The following AIM2 variants were observed in gnomAD, a reference collection of about 807,000 sequenced individuals.
AIM2 encodes the protein absent in melanoma 2.
In AIM2, 30 loss-of-function variants were observed where a neutral mutation model predicts 27.7. The ratio of observed to expected loss-of-function variants is 1.08; its 90% CI spans 0.81 to 1.47. AIM2 has a LOEUF of 1.47. AIM2 is among the 40% of genes most tolerant of loss of function. AIM2 has a pLI of 0.00. For missense variants in AIM2, 358 were observed against 411.3 expected, an observed-to-expected ratio of 0.87 and a Z score of 1.12; for synonymous variants, 141 against 145.3, an observed-to-expected ratio of 0.97 and a Z score of 0.21.
chr1:159,063,588 T>C lies in AIM2; in HGVS notation c.903A>G (p.Thr301=), dbSNP rs142497200. 7.2e-5 allele frequency: 116 copies of C among 1,614,190 alleles called. No individual in the cohort carries two copies. The African/African-American group carries it at 1.2e-3, about 17-fold the overall frequency. Residue 301 remains threonine, a synonymous_variant, in exon 5 of 6, where the codon ACA becomes ACG. Transcript: ENST00000368130. ...MEVLGVRNED[T]MKCKEGDKVR... is the part of the protein sequence containing the mutation. Reference sequence around the variant, plus strand: ...CCTTATCTCCTTCCTTACATTTCATTGTGTCCTCGTTTCTAACCCCCAGTA... The same window carrying C: ...CCTTATCTCCTTCCTTACATTTCATCGTGTCCTCGTTTCTAACCCCCAGTA...
chr1:159,078,700 C>T (rs186978475), upstream of AIM2, among the ~76,000 whole-genome samples: 15 of 152,250 alleles, frequency 9.9e-5, no homozygotes, highest in African/African-American at 3.4e-4. Flanking sequence ...AACTTGGTGA[C>T]ACAAGACACA....
Position 159,068,635 on chromosome 1 carries a change from GC to G in AIM2, c.328del (p.Ala110HisfsTer50). On this transcript the variant is annotated frameshift_variant, in exon 3 of 6. Coordinates refer to ENST00000368130, the MANE Select transcript of AIM2 (RefSeq NM_004833.3). LOFTEE classifies it high-confidence loss of function. ...GACATCATTTCTGATGGCTGCAGAT[GC>G]AGCAGGACTCATTTCAGCTTGACTT... ...PLSQAEMSPA[A>X]SAAIRNDVAK... The G allele has an allele frequency of 6.2e-7, 1 of 1,613,896 alleles. No homozygotes were observed. Among genetic ancestry groups the G allele is most frequent in the Non-Finnish European group, 8.5e-7 (1 of 1,179,874 alleles).
intron 1 of AIM2, among the ~76,000 whole-genome samples, chr1:159,118,353 T>C (rs890094623): frequency 3.3e-5 from 5 of 152,226 alleles, no homozygotes; most frequent in Admixed American, 6.5e-5. Context: ...TACAGCATTG[T>C]TTAACACATA....
chr1:159,060,287 T>G (rs1272127774), downstream of AIM2, among the ~76,000 whole-genome samples: 1 of 152,166 alleles, frequency 6.6e-6, no homozygotes, highest in Non-Finnish European at 1.5e-5. Flanking sequence ...TTTCTGTGAG[T>G]CTCTTTAAAG....
intron 1 of AIM2, among the ~76,000 whole-genome samples, chr1:159,082,082 G>A (rs1656790490): frequency 6.6e-6 from 1 of 152,130 alleles, no homozygotes; most frequent in Admixed American, 6.5e-5. Context: ...CAAGGAGAGA[G>A]AAGATCCTAA....
chr1:159,088,127 A>T (rs900605758), intron 1 of AIM2, among the ~76,000 whole-genome samples: 8 of 152,210 alleles, frequency 5.3e-5, no homozygotes, highest in African/African-American at 1.9e-4. Context: ...GAAGAGGCAT[A>T]GATGAGGCAC....
chr1:159,080,143 T>A (rs1431056060), upstream of AIM2, among the ~76,000 whole-genome samples: 1 of 152,208 alleles, frequency 6.6e-6, no homozygotes. Flanking sequence ...TCTATAAATA[T>A]CTGTGTGCAT....
chr1:159,105,810 C>T lies in AIM2; in HGVS notation c.-16+34621G>A, dbSNP rs184464173. Among the ~76,000 whole-genome samples the T allele has an allele frequency of 5.1e-3, 781 of 152,198 alleles. 6 individuals are homozygous for T. The highest frequency in any genetic ancestry group is 0.01 in the Middle Eastern group (3 of 294). On this transcript the variant is annotated intron_variant, in intron 1 of 2. Coordinates refer to the AIM2 transcript ENST00000368129. Reference sequence around the variant, plus strand: ...GAGAGAAAGTGTGTAGTTATTGGTCCATGGGTAGTCATAGGTGGGCCTGAA... The same window carrying T: ...GAGAGAAAGTGTGTAGTTATTGGTCTATGGGTAGTCATAGGTGGGCCTGAA...
intron 1 of AIM2, among the ~76,000 whole-genome samples, chr1:159,094,840 C>T (rs1467294180): frequency 6.6e-6 from 1 of 152,114 alleles, no homozygotes; most frequent in Non-Finnish European, 1.5e-5. Flanking sequence ...TTGAGAATGT[C>T]ATTTTACCTT....
At chr1:159,078,125 C>T (rs987342070), upstream of AIM2, among the ~76,000 whole-genome samples, 2 of 152,186 alleles carry the variant, frequency 1.3e-5, no homozygotes, top group African/African-American at 4.8e-5. Flanking sequence ...AGCACCTTAT[C>T]TGTGGGGCTT....
At chr1:159,084,340 C>T (rs911642313) in intron 1 of AIM2, among the ~76,000 whole-genome samples, 3 of 152,096 alleles carry the variant, frequency 2.0e-5, no homozygotes, top group Non-Finnish European at 4.4e-5. Context: ...ACATCCTTCC[C>T]TTCTCCTTTC....
intron 1 of AIM2, among the ~76,000 whole-genome samples, chr1:159,127,863 A>G (rs1247368101): frequency 6.6e-6 from 1 of 152,212 alleles, no homozygotes; most frequent in East Asian, 1.9e-4. Context: ...ACTTTGTTGT[A>G]GCAGCCCTTT....
intron 4 of AIM2, 80 bp from the exon 5 acceptor site, chr1:159,063,754 A>T: frequency 7.3e-7 from 1 of 1,378,820 alleles, no homozygotes; most frequent in South Asian, 1.3e-5. Context: ...ACATGCCAGA[A>T]GAAGGCTCTA....
At chr1:159,088,736 GA>G (rs1372739485) in intron 1 of AIM2, among the ~76,000 whole-genome samples, 1 of 152,082 alleles carries the variant, frequency 6.6e-6, no homozygotes, top group Non-Finnish European at 1.5e-5. Context: ...GGCTTTAAAA[GA>G]AGAGGAAGAG....
intron 4 of AIM2, among the ~76,000 whole-genome samples, chr1:159,065,626 G>C (rs763290253): frequency 2.6e-5 from 4 of 152,094 alleles, no homozygotes; most frequent in Non-Finnish European, 4.4e-5. Flanking sequence ...TATGTACAAA[G>C]TACAAAAATA....
downstream of AIM2, among the ~76,000 whole-genome samples, chr1:159,061,558 ATTTT>A (rs945588968): frequency 1.4e-4 from 12 of 83,104 alleles, no homozygotes; most frequent in East Asian, 3.1e-4. Context: ...GTGCCCGGCT[ATTTT>A]TTTTTTTTTT....
At chr1:159,091,951 C>T (rs1015852013) in intron 1 of AIM2, among the ~76,000 whole-genome samples, 7 of 152,204 alleles carry the variant, frequency 4.6e-5, no homozygotes, top group African/African-American at 1.4e-4. Flanking sequence ...CCACAGGAAA[C>T]AGAGGGTGAT....
Position 159,112,401 on chromosome 1 carries a change from A to C in AIM2, c.-16+28030T>G, listed in dbSNP as rs1657594265. Among the ~76,000 whole-genome samples the C allele has an allele frequency of 2.0e-5, 3 of 152,328 alleles. No individual in the cohort carries two copies. The South Asian group carries it at 6.2e-4, about 32-fold the overall frequency. ...ATATAACAATTCTAAACTTGCATGC[A>C]CCTCATTAAATAGACTTAACAGATA... On this transcript the variant is annotated intron_variant, in intron 1 of 2. Transcript: ENST00000368129.
At chr1:159,089,513 G>C (rs1277671902) in intron 1 of AIM2, among the ~76,000 whole-genome samples, 2 of 152,172 alleles carry the variant, frequency 1.3e-5, no homozygotes, top group African/African-American at 4.8e-5. Flanking sequence ...CCCTGTGTTG[G>C]ATTGTTTGTT....
Sources: gnomAD v4.1 joint callset for allele counts (sites outside exome capture counted in the v4.1 genomes callset) on GRCh38, gnomAD v4.1.1 for gene constraint, MANE v1.5 for transcripts, NCBI Gene and HGNC (gene_info 2026-07-23, HGNC 2026-07-21) for gene names.